RRAS2: variants seen among roughly 807,000 people sequenced by gnomAD.
RRAS2 encodes ras-related protein R-Ras2.
Under a neutral mutation model 27.6 loss-of-function variants are expected in RRAS2, and 7 were observed. The observed-to-expected ratio is 0.25, with a 90% CI of 0.14 to 0.48. The LOEUF is 0.48. RRAS2 is among the 20% of genes least tolerant of loss of function. The probability of loss-of-function intolerance (pLI) is 0.99; values close to 1 mark genes in which losing one functional copy is unlikely to be tolerated. For synonymous variants in RRAS2, 86 were observed against 90.9 expected, an observed-to-expected ratio of 0.95 and a Z score of 0.31; for missense variants, 178 against 256.2, an observed-to-expected ratio of 0.69 and a Z score of 2.08.
In RRAS2 at chr11:14,334,531, TAC is replaced by T. The variant is rs145228825; in HGVS notation, c.108+24230_108+24231del. Among the ~76,000 whole-genome samples, 972 of 143,140 alleles carry T rather than the reference TAC, an allele frequency of 6.8e-3. 6 individuals are homozygous for T. Among genetic ancestry groups the T allele is most frequent in the African/African-American group, 9.7e-3 (382 of 39,252 alleles). The allele number at this position is 143,140 out of a possible 152,430, so 93.9% of individuals were successfully genotyped here. On this transcript the variant is annotated intron_variant, in intron 1 of 5. Coordinates refer to ENST00000256196, the MANE Select transcript of RRAS2 (RefSeq NM_012250.6). The stretch of plus-strand genomic sequence containing the variant: ...AACTTTTTTGAAAAGCATCCATACA[TAC>T]ACACACACACACACACACACACACA...
upstream of RRAS2, among the ~76,000 whole-genome samples, chr11:14,360,325 C>T (rs1409915355): frequency 6.6e-6 from 1 of 152,120 alleles, no homozygotes; most frequent in African/African-American, 2.4e-5. Flanking sequence ...CTGTTAGCAT[C>T]TGAATGCAAC....
At chr11:14,287,191 G>A (rs147341322) in intron 4 of RRAS2, among the ~76,000 whole-genome samples, 19 of 152,154 alleles carry the variant, frequency 1.2e-4, no homozygotes, top group South Asian at 4.1e-4. Context: ...AAAATTTTTC[G>A]TTGTGTTTTC....
chr11:14,287,325 G>C (rs781871637), intron 4 of RRAS2, among the ~76,000 whole-genome samples: 2 of 152,078 alleles, frequency 1.3e-5, no homozygotes, highest in African/African-American at 2.4e-5. Context: ...TAAGTAAATG[G>C]TGTACAACTA....
At chr11:14,292,346 T>C (rs1231153859) in intron 4 of RRAS2, among the ~76,000 whole-genome samples, 7 of 152,038 alleles carry the variant, frequency 4.6e-5, no homozygotes, top group Non-Finnish European at 5.9e-5. Flanking sequence ...ATGAGAAGGT[T>C]TGAGAAAGAT....
At chr11:14,353,816 A>G (rs1849016216) in intron 1 of RRAS2, among the ~76,000 whole-genome samples, 1 of 152,184 alleles carries the variant, frequency 6.6e-6, no homozygotes, top group Non-Finnish European at 1.5e-5. Context: ...GGGTGTACAG[A>G]AATTTTATCT....
intron 1 of RRAS2, among the ~76,000 whole-genome samples, chr11:14,350,792 C>T (rs1358334868): frequency 6.6e-6 from 1 of 152,178 alleles, no homozygotes; most frequent in Admixed American, 6.5e-5. Context: ...CCGCATGCCA[C>T]TCGCAGGCTG....
At chr11:14,357,478 T>C (rs1554955610) in intron 1 of RRAS2, among the ~76,000 whole-genome samples, 1 of 152,238 alleles carries the variant, frequency 6.6e-6, no homozygotes, top group African/African-American at 2.4e-5. Flanking sequence ...GTGATTTTTT[T>C]AACCCACTAA....
At chr11:14,285,640 G>A (rs782111095) in intron 4 of RRAS2, among the ~76,000 whole-genome samples, 1 of 151,998 alleles carries the variant, frequency 6.6e-6, no homozygotes, top group Non-Finnish European at 1.5e-5. Context: ...GAATTATCTC[G>A]CTTTTACATG....
At chr11:14,329,116 TATA>T in intron 1 of RRAS2, among the ~76,000 whole-genome samples, 1 of 150,960 alleles carries the variant, frequency 6.6e-6, no homozygotes, top group African/African-American at 2.4e-5. Flanking sequence ...CATATATATA[TATA>T]TTTTTTTTGA....
chr11:14,310,549 T>C (rs778568552), intron 1 of RRAS2, among the ~76,000 whole-genome samples: 2 of 151,996 alleles, frequency 1.3e-5, no homozygotes, highest in Non-Finnish European at 2.9e-5. Flanking sequence ...AAGATAAGGG[T>C]TGCTGATAGG....
At chr11:14,335,223 T>G (rs1848566363) in intron 1 of RRAS2, among the ~76,000 whole-genome samples, 1 of 152,172 alleles carries the variant, frequency 6.6e-6, no homozygotes, top group African/African-American at 2.4e-5. Flanking sequence ...AATGGCAGGC[T>G]TCCAGAGTCC....
intron 1 of RRAS2, among the ~76,000 whole-genome samples, chr11:14,309,311 C>A (rs954730336): frequency 6.6e-6 from 1 of 152,206 alleles, no homozygotes; most frequent in Non-Finnish European, 1.5e-5. Context: ...AAAACTGCCA[C>A]AAGAATCTTC....
intron 4 of RRAS2, among the ~76,000 whole-genome samples, chr11:14,286,565 C>T (rs1415711718): frequency 6.6e-6 from 1 of 152,120 alleles, no homozygotes; most frequent in African/African-American, 2.4e-5. Context: ...GGTATTGTTC[C>T]TTCTAAACGT....
At chr11:14,350,821 T>G (rs993382140) in intron 1 of RRAS2, among the ~76,000 whole-genome samples, 5 of 152,224 alleles carry the variant, frequency 3.3e-5, no homozygotes, top group African/African-American at 4.8e-5. Flanking sequence ...ACAAGCTTGT[T>G]TGAAAGCAAG....
Position 14,359,077 on chromosome 11 carries a change from G to C in RRAS2, c.-207C>G. The C allele has an allele frequency of 9.1e-7, 1 of 1,093,308 alleles. No individual in the cohort carries two copies. The highest frequency in any genetic ancestry group is 4.5e-5 in the South Asian group (1 of 22,252). 67.7% of individuals were successfully genotyped at this position (1,093,308 alleles called of 1,614,324 possible). On this transcript the variant is annotated 5_prime_UTR_variant, in exon 1 of 6. Coordinates refer to ENST00000256196, the MANE Select transcript of RRAS2 (RefSeq NM_012250.6). ...TACCGCCCGAGGCGCGGAGAAGCGG[G>C]GTGACGGCACGGGCCAGGGGCGGCA...
chr11:14,285,795 G>A (rs1164198953), intron 4 of RRAS2, among the ~76,000 whole-genome samples: 4 of 152,182 alleles, frequency 2.6e-5, no homozygotes, highest in African/African-American at 9.7e-5. Context: ...ATGCAATGAT[G>A]ACTCCTGCCA....
chr11:14,296,622 A>T (rs376980918), intron 1 of RRAS2, among the ~76,000 whole-genome samples: 1 of 152,304 alleles, frequency 6.6e-6, no homozygotes, highest in South Asian at 2.1e-4. Flanking sequence ...ATTTCATCTT[A>T]TACCTTTCTT....
intron 1 of RRAS2, among the ~76,000 whole-genome samples, chr11:14,313,244 C>T (rs1422439883): frequency 6.6e-6 from 1 of 152,196 alleles, no homozygotes; most frequent in African/African-American, 2.4e-5. Flanking sequence ...TTTAGAGACA[C>T]AAATTATAGC....
intron 4 of RRAS2, among the ~76,000 whole-genome samples, chr11:14,283,608 CT>C (rs543976731): frequency 1.4e-4 from 21 of 151,482 alleles, no homozygotes; most frequent in South Asian, 4.2e-4. Flanking sequence ...CTGATATTAT[CT>C]TTTTTTTTCC....
Sources: allele counts gnomAD v4.1 joint callset (sites outside exome capture counted in the v4.1 genomes callset), GRCh38; gene constraint gnomAD v4.1.1; transcripts MANE v1.5; gene names NCBI Gene and HGNC (gene_info 2026-07-23, HGNC 2026-07-21).